SNX5: variants seen among roughly 807,000 people sequenced by gnomAD.
SNX5 encodes the protein sorting nexin 5.
A neutral mutation model predicts 53.9 loss-of-function variants in SNX5; 31 were observed. The ratio of observed to expected loss-of-function variants is 0.58; its 90% CI spans 0.43 to 0.78. The LOEUF (loss-of-function observed/expected upper bound fraction) is 0.78. SNX5 is among the 30% of genes least tolerant of loss of function. The pLI, the probability that SNX5 is intolerant of heterozygous loss-of-function variation, is 0.00. For missense variants in SNX5, 471 were observed against 478.8 expected, an observed-to-expected ratio of 0.98 and a Z score of 0.15; for synonymous variants, 168 against 171.1, an observed-to-expected ratio of 0.98 and a Z score of 0.14.
chr20:17,943,214 T>G lies in SNX5; in HGVS notation c.1079-19A>C, dbSNP rs564260194. ...ATCAGTTCTACAGGAAGAAAAAATG[T>G]TTATGAAACCAAGAAAAACTAAACA... On this transcript the variant is annotated intron_variant, in intron 11 of 12. Coordinates refer to ENST00000377759, the MANE Select transcript of SNX5 (RefSeq NM_014426.4). The G allele has an allele frequency of 2.0e-5, 31 of 1,514,708 alleles. No homozygotes were observed. The South Asian group carries it at 3.4e-4, about 16-fold the overall frequency. The allele number at this position is 1,514,708 out of a possible 1,614,324, so 93.8% of individuals were successfully genotyped here.
In SNX5 at chr20:17,967,940, C is replaced by A. The variant is rs565187607; in HGVS notation, c.51+435G>T. 346 of 394,506 alleles carry A rather than the reference C, an allele frequency of 8.8e-4. 1 individual carries two copies. Among genetic ancestry groups the A allele is most frequent in the African/African-American group, 2.6e-3 (123 of 47,510 alleles). 24.4% of individuals were successfully genotyped at this position (394,506 alleles called of 1,614,324 possible). ...TCCCAAGTTGTTTGGGCCCCCCCCC[C>A]AAAAAAGTCTTCTCAGTAAAAGGTG... On this transcript the variant is annotated intron_variant, in intron 1 of 12. Transcript: ENST00000377759.
Position 17,950,177 on chromosome 20 carries a change from G to A in SNX5, c.746C>T (p.Ala249Val). Residue 249 changes from alanine (A) to valine (V), a missense_variant, in exon 8 of 13, where the codon GCC becomes GTC. Coordinates refer to ENST00000377759, the MANE Select transcript of SNX5 (RefSeq NM_014426.4). Reference protein sequence around the residue: ...NVADDYIHTAACLHSLALEEP... With the variant: ...NVADDYIHTAVCLHSLALEEP... ...TTCTAAAGCCAGGCTATGTAAGCAGGCTGCGGTGTGGATATAGTCATCGGC... is the reference window on the plus strand; with the variant it reads ...TTCTAAAGCCAGGCTATGTAAGCAGACTGCGGTGTGGATATAGTCATCGGC... The A allele has an allele frequency of 6.2e-7, 1 of 1,614,186 alleles. No individual in the cohort carries two copies. The highest frequency in any genetic ancestry group is 8.5e-7 in the Non-Finnish European group (1 of 1,180,010).
chr20:17,959,061 C>T (rs903742977), intron 1 of SNX5, among the ~76,000 whole-genome samples: 8 of 152,230 alleles, frequency 5.3e-5, no homozygotes, highest in Admixed American at 2.6e-4. Context: ...CCTAAAGTCA[C>T]AAACCCTGAC....
At chr20:17,945,947 G>C (rs547077656) in intron 11 of SNX5, among the ~76,000 whole-genome samples, 1 of 152,070 alleles carries the variant, frequency 6.6e-6, no homozygotes, top group Non-Finnish European at 1.5e-5. Flanking sequence ...ACACGCGTTA[G>C]GGGGTTGGGA....
chr20:17,959,179 AG>A (rs2035410339), intron 1 of SNX5, among the ~76,000 whole-genome samples: 1 of 152,344 alleles, frequency 6.6e-6, no homozygotes, highest in East Asian at 1.9e-4. Context: ...GAATTCGAAT[AG>A]GAGGACCCAA....
rs2035607586 is a variant in SNX5, at chr20:17,968,441, G to A, written c.-16C>T. On this transcript the variant is annotated 5_prime_UTR_variant, in exon 1 of 13. Transcript: ENST00000377759. ...CCGCGGCCATGGCGACGCGGGACTC[G>A]AGCAGGGGCCGCCTGGCTGTGCGAG... The A allele has an allele frequency of 7.8e-7, 1 of 1,287,898 alleles. No homozygotes were observed. The highest frequency in any genetic ancestry group is 1.5e-5 in the African/African-American group (1 of 64,752). 79.8% of individuals were successfully genotyped at this position (1,287,898 alleles called of 1,614,324 possible).
At chr20:17,957,176 C>T (rs1205183657) in intron 1 of SNX5, 139 bp from the exon 2 acceptor site, 1 of 641,948 alleles carries the variant, frequency 1.6e-6, no homozygotes, top group East Asian at 2.8e-5. Flanking sequence ...CGGCTCACCC[C>T]TGTAATCCCA....
chr20:17,942,548 C>T, intron 12 of SNX5, 141 bp from the exon 13 acceptor site: 1 of 696,276 alleles, frequency 1.4e-6, no homozygotes, highest in African/African-American at 1.8e-5. Flanking sequence ...TCATCAAATC[C>T]CAGGTGAACT....
At chr20:17,950,047 T>C (rs1049415965) in intron 8 of SNX5, 85 bp downstream of exon 8, 2 of 1,119,604 alleles carry the variant, frequency 1.8e-6, no homozygotes, top group African/African-American at 1.5e-5. Flanking sequence ...CAGGACCATG[T>C]AGTCACTACT....
At position 17,968,455 on chromosome 20, in the gene SNX5, T is replaced by A; in HGVS notation, c.-30A>T. 2 of 1,275,162 alleles carry A rather than the reference T, an allele frequency of 1.6e-6. No individual in the cohort carries two copies. Among genetic ancestry groups the A allele is most frequent in the Non-Finnish European group, 2.0e-6 (2 of 1,008,570 alleles). The allele number at this position is 1,275,162 out of a possible 1,614,324, so 79.0% of individuals were successfully genotyped here. ...ACGCGGGACTCGAGCAGGGGCCGCC[T>A]GGCTGTGCGAGGAAAGAAGAAGCTG... On this transcript the variant is annotated 5_prime_UTR_variant, in exon 1 of 13. Transcript: ENST00000377759.
In SNX5 at chr20:17,947,613, A is replaced by G; in HGVS notation, c.951T>C (p.Ile317=). ...DLLYRRTKAL[I]DYENSNKALD... is the part of the protein sequence containing the mutation. ...GAGCTTTGTTTGAGTTCTCATAGTCAATGAGGGCTTTGGTGCGTCTGTATA... is the reference window on the plus strand; with the variant it reads ...GAGCTTTGTTTGAGTTCTCATAGTCGATGAGGGCTTTGGTGCGTCTGTATA... The change falls in exon 11 of 13, where the codon ATT becomes ATC. Residue 317 remains isoleucine (I), a synonymous_variant. Coordinates refer to ENST00000377759, the MANE Select transcript of SNX5 (RefSeq NM_014426.4). 1 of 1,613,940 alleles carries G rather than the reference A, an allele frequency of 6.2e-7. No homozygotes were observed. Among genetic ancestry groups the G allele is most frequent in the South Asian group, 1.1e-5 (1 of 91,038 alleles).
chr20:17,953,868 G>A (rs1457745660), intron 4 of SNX5, 128 bp downstream of exon 4: 4 of 736,862 alleles, frequency 5.4e-6, no homozygotes, highest in East Asian at 2.6e-5. Context: ...TTTAGAAAAC[G>A]ACGCTAGGGA....
rs771588055 is a variant in SNX5 at position 17,949,117 on chromosome 20, T to G, written c.792-14A>C. 7 of 1,612,044 alleles carry G rather than the reference T, an allele frequency of 4.3e-6. No individual in the cohort carries two copies. The East Asian group carries it at 1.6e-4, about 36-fold the overall frequency. ...TTCAATAGGTACCTGGAAATGTACA[T>G]ATAATTTTGGTTTAAGGTCTTAAAT... On this transcript the variant is annotated splice_polypyrimidine_tract_variant and intron_variant, in intron 8 of 12. Coordinates refer to ENST00000377759, the MANE Select transcript of SNX5 (RefSeq NM_014426.4).
chr20:17,947,879 CAGA>C (rs2039508825), intron 10 of SNX5, among the ~76,000 whole-genome samples: 2 of 141,720 alleles, frequency 1.4e-5, no homozygotes, highest in Admixed American at 1.4e-4. Flanking sequence ...AGAGTGAAAA[CAGA>C]AGGACTTTTG....
At position 17,942,139 on chromosome 20, in the gene SNX5, A is replaced by G; in HGVS notation, c.*218T>C. On this transcript the variant is annotated 3_prime_UTR_variant, in exon 13 of 13. Coordinates refer to ENST00000377759, the MANE Select transcript of SNX5 (RefSeq NM_014426.4). ...CAGTATTTGGATTCTGCCCAGAGGT[A>G]TTAAATGCACAAGGAAAAATTAGTT... 3 of 524,304 alleles carry G rather than the reference A, an allele frequency of 5.7e-6. No individual in the cohort carries two copies. Among genetic ancestry groups the G allele is most frequent in the Non-Finnish European group, 1.0e-5 (3 of 291,678 alleles). 32.5% of individuals were successfully genotyped at this position (524,304 alleles called of 1,614,324 possible).
rs572208513 is a variant in SNX5, at chr20:17,948,187, G to A, written c.919-542C>T. Among the ~76,000 whole-genome samples the A allele has an allele frequency of 1.1e-4, 16 of 152,302 alleles. 1 individual carries two copies. In the South Asian group the frequency reaches 3.3e-3, roughly 32 times the overall value. On this transcript the variant is annotated intron_variant, in intron 10 of 12. Transcript: ENST00000377759. ...TGTATAGATTACACATTTAAAACTA[G>A]GTGAAATAATAACTGATGGGTGAAA... is the stretch of plus-strand genomic sequence containing the variant.
chr20:17,943,110 C>T lies in SNX5; in HGVS notation c.1164G>A (p.Arg388=). 6.3e-7 allele frequency: 1 copy of T among 1,582,418 alleles called. No homozygotes were observed. The highest frequency in any genetic ancestry group is 8.7e-7 in the Non-Finnish European group (1 of 1,152,014). ...EMSELEIKHA[R]NNVSLLQSCI... ...GGCTTCATCTGTAGAAAACACTTAC[C>T]CTGGCATGTTTTATTTCCAGTTCAG... Residue 388 remains arginine, a splice_region_variant and synonymous_variant, in exon 12 of 13, where the codon AGG becomes AGA. Coordinates refer to ENST00000377759, the MANE Select transcript of SNX5 (RefSeq NM_014426.4).
At chr20:17,952,811 A>G (rs1309569128) in intron 4 of SNX5, 101 bp from the exon 5 acceptor site, 1 of 1,370,022 alleles carries the variant, frequency 7.3e-7, no homozygotes, top group African/African-American at 1.5e-5. Context: ...CCACCACATA[A>G]AACACTGCAA....
intron 3 of SNX5, 147 bp from the exon 4 acceptor site, chr20:17,954,264 C>T (rs2035316487): frequency 7.8e-7 from 1 of 1,287,058 alleles, no homozygotes; most frequent in Non-Finnish European, 1.0e-6. Context: ...TTTTTCTTAA[C>T]CTTCCTTAAC....
Sources: gnomAD v4.1 joint callset for allele counts (sites outside exome capture counted in the v4.1 genomes callset) on GRCh38, gnomAD v4.1.1 for gene constraint, MANE v1.5 for transcripts, NCBI Gene and HGNC (gene_info 2026-07-23, HGNC 2026-07-21) for gene names.